ZNF253: variants seen among roughly 807,000 people sequenced by gnomAD.
The protein encoded by ZNF253 is DNA-binding protein.
In ZNF253, 8 loss-of-function variants were observed where a neutral mutation model predicts 11.9. The observed-to-expected ratio is 0.67, with a 90% CI of 0.40 to 1.22. The LOEUF is 1.22. Ranked by LOEUF, ZNF253 falls within the 50% of genes most tolerant of loss-of-function variation. The pLI is 0.01. For missense variants in ZNF253, 485 were observed against 586.9 expected (o/e 0.83, Z 1.79); for synonymous variants, 194 against 194.9 (o/e 1.00, Z 0.04).
Position 19,885,583 on chromosome 19 carries a change from G to A in ZNF253, c.226+5437G>A, listed in dbSNP as rs529141115. 6.3e-4 allele frequency among the ~76,000 whole-genome samples: 96 copies of A among 151,654 alleles called. 1 individual carries two copies. The South Asian group carries it at 0.02, about 32-fold the overall frequency. On this transcript the variant is annotated intron_variant, in intron 3 of 3. Transcript: ENST00000589717. ...GTTTTTTGTATTTTTAATAGAGACG[G>A]GGTTTCACCATGTTAGCCAGGATGG...
At position 19,892,767 on chromosome 19, in the gene ZNF253, C is replaced by T. The variant is rs12460570; in HGVS notation, c.*20C>T. On this transcript the variant is annotated 3_prime_UTR_variant, in exon 4 of 4. Transcript: ENST00000589717. ...AGATAATTCATACTGGAGAGAAACC[C>T]TATGAATGTGATGAATGTGGGAAAG... 1.3e-6 allele frequency: 2 copies of T among 1,556,900 alleles called. No homozygotes were observed. The highest frequency in any genetic ancestry group is 1.7e-6 in the Non-Finnish European group (2 of 1,155,362).
intron 2 of ZNF253, among the ~76,000 whole-genome samples, chr19:19,879,099 C>G (rs2063167073): frequency 6.6e-6 from 1 of 152,090 alleles, no homozygotes; most frequent in Non-Finnish European, 1.5e-5. Context: ...ACATGATATT[C>G]CACTATGTAC....
In ZNF253 at chr19:19,871,891, A is replaced by T. The variant is rs182654849; in HGVS notation, c.3+5892A>T. On this transcript the variant is annotated intron_variant, in intron 1 of 3. Transcript: ENST00000589717. ...TCCAAACACTGTCTAGAATTACCAG[A>T]CATGATACAAACACATAAAGTGCCA... is the stretch of plus-strand genomic sequence containing the variant. Among the ~76,000 whole-genome samples, 48 of 152,306 alleles carry T rather than the reference A, an allele frequency of 3.2e-4. No homozygotes were observed. The East Asian group carries it at 9.2e-3, about 29-fold the overall frequency.
intron 1 of ZNF253, among the ~76,000 whole-genome samples, chr19:19,869,660 CTTTTTTTTTTT>C (rs35926309): frequency 9.7e-6 from 1 of 103,308 alleles, no homozygotes; most frequent in Non-Finnish European, 1.9e-5. Context: ...CATGCCTGGC[CTTTTTTTTTTT>C]TTTTTTTTTT....
intron 1 of ZNF253, among the ~76,000 whole-genome samples, chr19:19,869,507 A>G (rs945585516): frequency 2.6e-5 from 4 of 151,844 alleles, no homozygotes; most frequent in Non-Finnish European, 4.4e-5. Flanking sequence ...GATTACAGGC[A>G]TGCACCACCA....
intron 1 of ZNF253, among the ~76,000 whole-genome samples, chr19:19,876,571 G>A (rs897913377): frequency 1.3e-5 from 2 of 151,758 alleles, no homozygotes; most frequent in African/African-American, 4.8e-5. Context: ...GACTTTTTCT[G>A]TGTTTTTTTT....
rs554353177 is a variant in ZNF253 at position 19,892,361 on chromosome 19, GA to G, written c.1116del (p.Glu372AspfsTer68). 218 of 1,613,912 alleles carry G rather than the reference GA, an allele frequency of 1.4e-4. No homozygotes were observed. The African/African-American group carries it at 2.6e-3, about 19-fold the overall frequency. ...TGGAGAGAAACCCTACAGATGTAGA[GA>G]ATGTGGCAAAGCTTTTAACCATTCC... ...HTGEKPYRCR[E>X]CGKAFNHSTT... On this transcript the variant is annotated frameshift_variant, in exon 4 of 4. Coordinates refer to ENST00000589717, the MANE Select transcript of ZNF253 (RefSeq NM_021047.3). LOFTEE classifies it low-confidence loss of function (END_TRUNC).
In ZNF253 at chr19:19,892,594, G is replaced by A; in HGVS notation, c.1347G>A (p.Glu449=). The change falls in exon 4 of 4, where the codon GAG becomes GAA. Residue 449 remains glutamate (E), a synonymous_variant. Transcript: ENST00000589717. The part of the protein sequence containing the change: ...LTTHKRIHTG[E]KPYKCEECGK... Reference sequence around the variant, plus strand: ...CACATAAGAGAATTCATACTGGAGAGAAACCTTACAAATGTGAAGAATGTG... The same window carrying A: ...CACATAAGAGAATTCATACTGGAGAAAAACCTTACAAATGTGAAGAATGTG... 2 of 1,614,002 alleles carry A rather than the reference G, an allele frequency of 1.2e-6. No individual in the cohort carries two copies. Among genetic ancestry groups the A allele is most frequent in the Non-Finnish European group, 1.7e-6 (2 of 1,179,962 alleles).
intron 3 of ZNF253, among the ~76,000 whole-genome samples, chr19:19,880,691 C>T (rs368523232): frequency 4.7e-5 from 7 of 148,120 alleles, no homozygotes; most frequent in South Asian, 4.3e-4. Flanking sequence ...GGCAACAGAG[C>T]GAGACTCCAT....
Position 19,892,877 on chromosome 19 carries a change from T to C in ZNF253, c.*130T>C. 1 of 919,864 alleles carries C rather than the reference T, an allele frequency of 1.1e-6. No homozygotes were observed. The highest frequency in any genetic ancestry group is 1.7e-5 in the African/African-American group (1 of 59,754). The allele number at this position is 919,864 out of a possible 1,614,324, so 57.0% of individuals were successfully genotyped here. On this transcript the variant is annotated 3_prime_UTR_variant, in exon 4 of 4. Coordinates refer to ENST00000589717, the MANE Select transcript of ZNF253 (RefSeq NM_021047.3). ...CAAATATAAAGAATGTGACAAAGCT[T>C]TTTAAGGAAGTTCTCAACCCTTATT... is the stretch of plus-strand genomic sequence containing the variant.
At position 19,880,141 on chromosome 19, in the gene ZNF253, C is replaced by A. The variant is rs1452419206; in HGVS notation, c.221C>A (p.Pro74His). 6.2e-7 allele frequency: 1 copy of A among 1,602,456 alleles called. No homozygotes were observed. Among genetic ancestry groups the A allele is most frequent in the Non-Finnish European group, 8.5e-7 (1 of 1,174,902 alleles). ...GAAAGACATGAGATGATTGCCAAAC[C>A]CCCAGGTAGGTACGAGTGAAAACGA... ...TMERHEMIAK[P>H]PVMSSHFAQD... Residue 74 changes from proline to histidine, a missense_variant, in exon 3 of 4, where the codon CCC becomes CAC. Around this residue, in one of 3 missense-constraint regions of ZNF253, gnomAD observed 218 missense variants for 213.1 expected, o/e 1.02. Transcript: ENST00000589717.
chr19:19,868,924 G>T (rs1599548502), intron 1 of ZNF253, among the ~76,000 whole-genome samples: 1 of 151,980 alleles, frequency 6.6e-6, no homozygotes, highest in African/African-American at 2.4e-5. Flanking sequence ...TGCTTTTTTT[G>T]AAATACATGT....
At chr19:19,873,924 G>T (rs2063144351) in intron 1 of ZNF253, among the ~76,000 whole-genome samples, 3 of 152,140 alleles carry the variant, frequency 2.0e-5, no homozygotes, top group Admixed American at 1.3e-4. Context: ...TTAATTTTTG[G>T]TTTTTTGAGA....
At chr19:19,884,657 C>G (rs558436747) in intron 3 of ZNF253, among the ~76,000 whole-genome samples, 6 of 152,224 alleles carry the variant, frequency 3.9e-5, no homozygotes, top group African/African-American at 1.2e-4. Flanking sequence ...CAGGCTTGAG[C>G]CACTACACTT....
intron 3 of ZNF253, among the ~76,000 whole-genome samples, chr19:19,889,304 A>G (rs2063219327): frequency 6.6e-6 from 1 of 150,732 alleles, no homozygotes; most frequent in Non-Finnish European, 1.5e-5. Flanking sequence ...CTGTGTTCCT[A>G]TTTCACTTAC....
chr19:19,892,405 TGA>T lies in ZNF253; in HGVS notation c.1161_1162del (p.Lys388AsnfsTer11), dbSNP rs1568502269. On this transcript the variant is annotated frameshift_variant, in exon 4 of 4. Transcript: ENST00000589717. LOFTEE classifies it low-confidence loss of function (END_TRUNC). ...ACCATTCCACAACCCTTTTTTCACA[TGA>T]GAAAATTCATACTGGAGAGAAACCC... Reference protein sequence around the residue: ...FNHSTTLFSHEKIHTGEKPYK... With the variant: ...FNHSTTLFSHXKIHTGEKPYK... 3.1e-6 allele frequency: 5 copies of T among 1,613,974 alleles called. No individual in the cohort carries two copies. Among genetic ancestry groups the T allele is most frequent in the Non-Finnish European group, 4.2e-6 (5 of 1,179,958 alleles).
chr19:19,874,141 C>T (rs1050305254), intron 1 of ZNF253, among the ~76,000 whole-genome samples: 1 of 152,156 alleles, frequency 6.6e-6, no homozygotes, highest in African/African-American at 2.4e-5. Flanking sequence ...AACTCCTGAC[C>T]TCAGGTGGTC....
At chr19:19,874,396 C>G (rs1477195865) in intron 1 of ZNF253, among the ~76,000 whole-genome samples, 1 of 151,986 alleles carries the variant, frequency 6.6e-6, no homozygotes, top group Non-Finnish European at 1.5e-5. Context: ...TGGCGGCACA[C>G]GCTTGTAGTT....
chr19:19,873,835 A>G (rs951167264), intron 1 of ZNF253, among the ~76,000 whole-genome samples: 20 of 152,244 alleles, frequency 1.3e-4, no homozygotes, highest in African/African-American at 4.1e-4. Flanking sequence ...CTTTATTTAG[A>G]CCACTTTCTT....
Sources: gnomAD v4.1 joint callset for allele counts (sites outside exome capture counted in the v4.1 genomes callset) on GRCh38, gnomAD v4.1.1 for gene constraint, gnomAD v4.1.1 regional missense constraint, MANE v1.5 for transcripts, NCBI Gene and HGNC (gene_info 2026-07-23, HGNC 2026-07-21) for gene names.